MYOF: variants seen among roughly 807,000 people sequenced by gnomAD.
The protein encoded by MYOF is fer-1-like 3, myoferlin.
A neutral mutation model predicts 284.2 loss-of-function variants in MYOF; 244 were observed. That is an observed-to-expected ratio of 0.86 (90% CI 0.77 to 0.95). The LOEUF (loss-of-function observed/expected upper bound fraction) is 0.95. Among genes scored for constraint, MYOF ranks in the 40% least tolerant of loss-of-function variants. MYOF has a pLI of 0.00. For missense variants in MYOF, 2,496 were observed against 2,560.6 expected, an observed-to-expected ratio of 0.97 and a Z score of 0.54; for synonymous variants, 904 against 919.7, an observed-to-expected ratio of 0.98 and a Z score of 0.31.
intron 37 of MYOF, among the ~76,000 whole-genome samples, chr10:93,347,162 G>A (rs890379121): frequency 1.3e-5 from 2 of 152,250 alleles, no homozygotes; most frequent in South Asian, 2.1e-4. Flanking sequence ...ATAACCCACC[G>A]CAACTCACGC....
intron 40 of MYOF, 93 bp downstream of exon 40, chr10:93,337,722 C>A (rs1026431054): frequency 2.9e-6 from 3 of 1,047,148 alleles, no homozygotes; most frequent in Non-Finnish European, 4.3e-6. Flanking sequence ...TTAGCACCCA[C>A]CCAAGGGACC....
At chr10:93,408,999 C>T (rs1847769183) in intron 6 of MYOF, 84 bp from the exon 7 acceptor site, 2 of 1,581,290 alleles carry the variant, frequency 1.3e-6, no homozygotes, top group Admixed American at 3.4e-5. Context: ...TCATTTCCTT[C>T]ACCTATTAGG....
rs756193454 is a variant in MYOF, at chr10:93,329,417, G to A, written c.4982+247C>T. Among the ~76,000 whole-genome samples the A allele has an allele frequency of 1.4e-4, 21 of 152,316 alleles. No homozygotes were observed. In the Middle Eastern group the frequency reaches 0.014, roughly 99 times the overall value. ...GAGCAAGGGAACTGGTCTCTGGGCT[G>A]CTAACTGTGCCATTCCCCAGCGCAC... On this transcript the variant is annotated intron_variant, in intron 44 of 53. Coordinates refer to ENST00000359263, the MANE Select transcript of MYOF (RefSeq NM_013451.4).
chr10:93,377,263 T>TAGAATTTC, intron 22 of MYOF, 60 bp downstream of exon 22: 1 of 1,175,986 alleles, frequency 8.5e-7, no homozygotes, highest in East Asian at 2.3e-5. Context: ...TTTACAGTCT[T>TAGAATTTC]AGAATTTCAG....
chr10:93,472,509 T>C (rs9663493), intron 1 of MYOF, among the ~76,000 whole-genome samples: 146,733 of 152,082 alleles, frequency 0.96, 71,011 homozygotes, highest in East Asian at 1. Flanking sequence ...CATGGTGGCA[T>C]GTGCCTGTAA....
chr10:93,394,889 T>A (rs1846922830), intron 16 of MYOF, among the ~76,000 whole-genome samples: 1 of 150,890 alleles, frequency 6.6e-6, no homozygotes, highest in African/African-American at 2.4e-5. Context: ...ATACATATAG[T>A]GTGTATATAT....
chr10:93,363,412 T>C (rs535254816), intron 27 of MYOF, among the ~76,000 whole-genome samples: 4 of 152,214 alleles, frequency 2.6e-5, no homozygotes, highest in Non-Finnish European at 5.9e-5. Flanking sequence ...ATGCCTATAA[T>C]CCCAGCACTT....
intron 1 of MYOF, among the ~76,000 whole-genome samples, chr10:93,466,153 G>T (rs1311902812): frequency 6.6e-6 from 1 of 152,186 alleles, no homozygotes; most frequent in Non-Finnish European, 1.5e-5. Flanking sequence ...ACCTGGGGGA[G>T]CACAGGGACA....
intron 1 of MYOF, among the ~76,000 whole-genome samples, chr10:93,461,419 C>T (rs1293193483): frequency 1.3e-5 from 2 of 152,040 alleles, no homozygotes; most frequent in African/African-American, 2.4e-5. Flanking sequence ...TGTGGCTATA[C>T]GGGACTGATA....
At chr10:93,424,821 G>A (rs1288522040) in intron 5 of MYOF, among the ~76,000 whole-genome samples, 3 of 152,026 alleles carry the variant, frequency 2.0e-5, no homozygotes, top group Non-Finnish European at 4.4e-5. Flanking sequence ...GTGAACCCTC[G>A]GGCGGCCGGA....
At chr10:93,392,666 A>G (rs547461961) in intron 17 of MYOF, among the ~76,000 whole-genome samples, 12 of 152,348 alleles carry the variant, frequency 7.9e-5, no homozygotes, top group African/African-American at 2.2e-4. Flanking sequence ...ATTATTTGCA[A>G]TAAAGCCAAA....
chr10:93,454,986 TTAAAAAAAAA>T (rs1333865033), intron 2 of MYOF, among the ~76,000 whole-genome samples: 9 of 84,586 alleles, frequency 1.1e-4, no homozygotes, highest in African/African-American at 4.5e-4. Context: ...CTTTTTTTAA[TTAAAAAAAAA>T]AAAAAAAAAA....
chr10:93,342,336 C>G (rs1843961969), intron 38 of MYOF, among the ~76,000 whole-genome samples: 1 of 140,852 alleles, frequency 7.1e-6, no homozygotes, highest in African/African-American at 2.4e-5. Context: ...CAAAGTGCAA[C>G]TTTGTTCATT....
At chr10:93,356,317 T>C (rs1265880498) in intron 30 of MYOF, among the ~76,000 whole-genome samples, 1 of 152,208 alleles carries the variant, frequency 6.6e-6, no homozygotes, top group African/African-American at 2.4e-5. Context: ...TGAATATACA[T>C]ATGAATATTT....
rs140169845 is a variant in MYOF at position 93,435,124 on chromosome 10, A to C, written c.237-3608T>G. On this transcript the variant is annotated intron_variant, in intron 3 of 53. Transcript: ENST00000359263. ...AAACAAACTGGACTTCATTCCTTGCAATTTCATAATTCATAGCCTAACCCT... is the reference window on the plus strand; with the variant it reads ...AAACAAACTGGACTTCATTCCTTGCCATTTCATAATTCATAGCCTAACCCT... Among the ~76,000 whole-genome samples, 19 of 152,290 alleles carry C rather than the reference A, an allele frequency of 1.2e-4. No homozygotes were observed. In the East Asian group the frequency reaches 3.5e-3, roughly 28 times the overall value.
intron 24 of MYOF, among the ~76,000 whole-genome samples, chr10:93,372,240 T>C (rs1284401752): frequency 1.3e-5 from 2 of 152,230 alleles, no homozygotes; most frequent in Non-Finnish European, 2.9e-5. Flanking sequence ...AGATGGGAAC[T>C]ATTCTGATTT....
At chr10:93,430,851 A>G (rs1214009763) in intron 4 of MYOF, among the ~76,000 whole-genome samples, 1 of 152,078 alleles carries the variant, frequency 6.6e-6, no homozygotes, top group Non-Finnish European at 1.5e-5. Flanking sequence ...GTCGTTTGCA[A>G]ACGGGCCCAG....
At chr10:93,381,483 C>G in intron 19 of MYOF, 87 bp from the exon 20 acceptor site, 1 of 1,338,076 alleles carries the variant, frequency 7.5e-7, no homozygotes, top group African/African-American at 1.4e-5. Context: ...AATTCTACAC[C>G]TAATAATTAG....
At chr10:93,469,009 C>T (rs954265311) in intron 1 of MYOF, among the ~76,000 whole-genome samples, 5 of 152,218 alleles carry the variant, frequency 3.3e-5, no homozygotes, top group Non-Finnish European at 7.3e-5. Flanking sequence ...ACAGCTTTGG[C>T]CTCCCTTGAT....
Sources: allele counts gnomAD v4.1 joint callset (sites outside exome capture counted in the v4.1 genomes callset), GRCh38; gene constraint gnomAD v4.1.1; transcripts MANE v1.5; gene names NCBI Gene and HGNC (gene_info 2026-07-23, HGNC 2026-07-21).